Variants in TMEM117 observed in about 807,000 individuals in gnomAD.
TMEM117 encodes transmembrane protein 117.
Under a neutral mutation model 52.4 loss-of-function variants are expected in TMEM117, and 27 were observed. That is an observed-to-expected ratio of 0.51 (90% CI 0.38 to 0.71). The LOEUF (loss-of-function observed/expected upper bound fraction) is 0.71. TMEM117 is among the 30% of genes least tolerant of loss of function. TMEM117 has a pLI of 0.00. For missense variants in TMEM117, 556 were observed against 630.5 expected (o/e 0.88, Z 1.26); for synonymous variants, 215 against 206.3 (o/e 1.04, Z -0.36).
At chr12:44,118,876 C>G (rs1429791183) in intron 3 of TMEM117, among the ~76,000 whole-genome samples, 1 of 152,162 alleles carries the variant, frequency 6.6e-6, no homozygotes, top group Non-Finnish European at 1.5e-5. Context: ...GTTTAAAACA[C>G]ATTTCTTGCA....
intron 5 of TMEM117, among the ~76,000 whole-genome samples, chr12:44,249,825 T>A (rs2138508233): frequency 6.6e-6 from 1 of 152,280 alleles, no homozygotes; most frequent in Middle Eastern, 3.4e-3. Context: ...TCCTTACACC[T>A]TATACAAAAA....
At chr12:44,099,935 G>A (rs1377891209) in intron 3 of TMEM117, among the ~76,000 whole-genome samples, 1 of 151,940 alleles carries the variant, frequency 6.6e-6, no homozygotes, top group South Asian at 2.1e-4. Context: ...ACCTGATATT[G>A]CTTTAATGGG....
At chr12:44,386,604 A>C (rs1177494140) in intron 7 of TMEM117, among the ~76,000 whole-genome samples, 1 of 152,112 alleles carries the variant, frequency 6.6e-6, no homozygotes, top group Non-Finnish European at 1.5e-5. Context: ...TTTCGTGATG[A>C]TAATTATAGC....
At chr12:44,097,715 TG>T (rs1009982873) in intron 3 of TMEM117, among the ~76,000 whole-genome samples, 6 of 64,028 alleles carry the variant, frequency 9.4e-5, no homozygotes, top group African/African-American at 4.1e-4. Context: ...TGGACTGTTG[TG>T]GGGTGGGGGG....
the TMEM117 span, chr12:43,797,617 T>C: frequency 3.4e-5 from 50 of 1,481,712 alleles, no homozygotes; most frequent in Non-Finnish European, 4.2e-5. Flanking sequence ...AGAAAGCTAT[T>C]TAAAATGTAA....
rs566024940 is a variant in TMEM117 at position 44,276,266 on chromosome 12, G to A, written c.609-23314G>A. Among the ~76,000 whole-genome samples the A allele has an allele frequency of 3.7e-4, 56 of 152,172 alleles. 1 individual carries two copies. The highest frequency in any genetic ancestry group is 1.1e-3 in the African/African-American group (47 of 41,516). On this transcript the variant is annotated intron_variant, in intron 5 of 7. Transcript: ENST00000266534. ...CTTAAGTATCCATCAGTGGATGAATGGATAAGAAAATGTGGCATGTATATA... is the reference window on the plus strand; with the variant it reads ...CTTAAGTATCCATCAGTGGATGAATAGATAAGAAAATGTGGCATGTATATA...
chr12:43,806,173 G>GGCTCTCCCA, the TMEM117 span: 6 of 1,537,380 alleles, frequency 3.9e-6, no homozygotes, highest in Non-Finnish European at 5.2e-6. Context: ...CGGCTCTCCC[G>GGCTCTCCCA]GCTCTCCCGG....
intron 2 of TMEM117, among the ~76,000 whole-genome samples, chr12:43,931,094 A>G (rs1017775313): frequency 2.0e-5 from 3 of 152,226 alleles, no homozygotes; most frequent in Non-Finnish European, 4.4e-5. Context: ...TATCACTCAA[A>G]AGGAACACAG....
At chr12:44,006,630 A>G (rs1199377529) in intron 3 of TMEM117, among the ~76,000 whole-genome samples, 1 of 152,194 alleles carries the variant, frequency 6.6e-6, no homozygotes, top group Admixed American at 6.5e-5. Flanking sequence ...ACCATTATAT[A>G]TGTCAAGCAT....
At chr12:44,094,717 C>G (rs376456877) in intron 3 of TMEM117, among the ~76,000 whole-genome samples, 34 of 151,906 alleles carry the variant, frequency 2.2e-4, no homozygotes, top group African/African-American at 8.0e-4. Flanking sequence ...GCATCCAAGT[C>G]GATATTTCTA....
At chr12:44,148,480 A>G (rs1948676873) in intron 4 of TMEM117, among the ~76,000 whole-genome samples, 1 of 152,234 alleles carries the variant, frequency 6.6e-6, no homozygotes, top group South Asian at 2.1e-4. Flanking sequence ...TTTTAGAAAT[A>G]TATTTTACCT....
At chr12:44,160,305 A>G (rs962147546) in intron 4 of TMEM117, among the ~76,000 whole-genome samples, 6 of 152,150 alleles carry the variant, frequency 3.9e-5, no homozygotes, top group Admixed American at 2.6e-4. Flanking sequence ...ACACACACAT[A>G]TAACTCACAG....
At chr12:43,805,866 T>C in the TMEM117 span, 1 of 1,430,748 alleles carries the variant, frequency 7.0e-7, no homozygotes. Flanking sequence ...CCCAGTCGCC[T>C]CCACTGTCCC....
chr12:43,973,470 C>T (rs968026886), intron 3 of TMEM117, among the ~76,000 whole-genome samples: 3 of 152,110 alleles, frequency 2.0e-5, no homozygotes, highest in Admixed American at 6.5e-5. Context: ...TTAGCCACAC[C>T]AAGCAGTTAA....
At chr12:44,314,777 T>A (rs1565705606) in intron 6 of TMEM117, among the ~76,000 whole-genome samples, 1 of 152,148 alleles carries the variant, frequency 6.6e-6, no homozygotes, top group Non-Finnish European at 1.5e-5. Flanking sequence ...CTTCATAGTA[T>A]GAGTTAGGCA....
chr12:44,025,857 G>A (rs1464426482), intron 3 of TMEM117, among the ~76,000 whole-genome samples: 1 of 152,068 alleles, frequency 6.6e-6, no homozygotes, highest in Non-Finnish European at 1.5e-5. Flanking sequence ...AATTCTTGAC[G>A]AAGAATTTAT....
chr12:44,183,417 T>G (rs764996414), intron 4 of TMEM117, among the ~76,000 whole-genome samples: 4 of 152,216 alleles, frequency 2.6e-5, no homozygotes, highest in African/African-American at 4.8e-5. Context: ...GTGTGATTAA[T>G]TATAAAGTGC....
At chr12:43,897,739 C>CTGAG (rs1437383839) in intron 2 of TMEM117, among the ~76,000 whole-genome samples, 4 of 151,512 alleles carry the variant, frequency 2.6e-5, no homozygotes, top group African/African-American at 9.7e-5. Context: ...TCCTGGGTAG[C>CTGAG]TGGACCACAG....
At chr12:43,817,137 A>G in the TMEM117 span, among the ~76,000 whole-genome samples, 38 of 152,244 alleles carry the variant, frequency 2.5e-4, no homozygotes, top group African/African-American at 8.4e-4. Context: ...GAATTGAGTA[A>G]AAATTCATAG....
Sources: allele counts gnomAD v4.1 joint callset (sites outside exome capture counted in the v4.1 genomes callset), GRCh38; gene constraint gnomAD v4.1.1; transcripts MANE v1.5; gene names NCBI Gene and HGNC (gene_info 2026-07-23, HGNC 2026-07-21).